The following SPINK13 variants were observed in gnomAD, a reference collection of about 807,000 sequenced individuals.
The protein encoded by SPINK13 is serine protease inhibitor Kazal-type 13.
A neutral mutation model predicts 11.0 loss-of-function variants in SPINK13; 11 were observed. The ratio of observed to expected loss-of-function variants is 1.00; its 90% confidence interval spans 0.63 to 1.65. SPINK13 has a LOEUF of 1.65. Ranked by LOEUF, SPINK13 falls within the 40% of genes most tolerant of loss-of-function variation. The pLI is 0.00. For missense variants in SPINK13, 113 were observed against 117.7 expected (o/e 0.96, Z 0.19); for synonymous variants, 31 against 35.6 (o/e 0.87, Z 0.46).
At chr5:148,282,348 T>C in intron 4 of SPINK13, 117 bp downstream of exon 4, 1 of 1,279,790 alleles carries the variant, frequency 7.8e-7, no homozygotes. Flanking sequence ...AAAAATAGCC[T>C]CATTATTTAC....
At chr5:148,271,949 C>T (rs775623578) in intron 2 of SPINK13, among the ~76,000 whole-genome samples, 39 of 152,182 alleles carry the variant, frequency 2.6e-4, no homozygotes, top group Non-Finnish European at 4.4e-4. Flanking sequence ...TAGTTCAATA[C>T]TATATGAAGA....
intron 3 of SPINK13, among the ~76,000 whole-genome samples, chr5:148,281,617 A>T (rs1211813010): frequency 2.0e-5 from 3 of 152,082 alleles, no homozygotes; most frequent in Non-Finnish European, 4.4e-5. Flanking sequence ...GGCTGTACCC[A>T]CTGTCTAACC....
chr5:148,285,558 C>A (rs1274657554), intron 4 of SPINK13, among the ~76,000 whole-genome samples: 1 of 152,110 alleles, frequency 6.6e-6, no homozygotes, highest in Non-Finnish European at 1.5e-5. Flanking sequence ...AGAGGCTAGT[C>A]TTTTGTGAAA....
Position 148,274,349 on chromosome 5 carries a change from A to C in SPINK13, c.73A>C (p.Ile25Leu), listed in dbSNP as rs1756393367. 5 of 1,611,846 alleles carry C rather than the reference A, an allele frequency of 3.1e-6. No individual in the cohort carries two copies. Among genetic ancestry groups the C allele is most frequent in the Non-Finnish European group, 3.4e-6 (4 of 1,178,264 alleles). Residue 25 changes from isoleucine (I) to leucine (L), a missense_variant and splice_region_variant, in exon 3 of 5, where the codon ATT becomes CTT. Transcript: ENST00000398450. ...CTGTGTTTATTCTTTATTAGCAGGA[A>C]TTTTCAATAAACGTGACTTCACTAG... ...STLTHVAFSG[I>L]FNKRDFTRWP...
intron 3 of SPINK13, among the ~76,000 whole-genome samples, chr5:148,279,091 C>CTTTTTTTTTTTTTTTTTT (rs746029113): frequency 5.8e-5 from 3 of 51,682 alleles, no homozygotes; most frequent in Admixed American, 4.3e-4. Flanking sequence ...GCAACCCCTG[C>CTTTTTTTTTTTTTTTTTT]TTTTTTTTTT....
chr5:148,276,409 T>C (rs190828088), intron 3 of SPINK13, among the ~76,000 whole-genome samples: 60 of 152,398 alleles, frequency 3.9e-4, no homozygotes, highest in Non-Finnish European at 2.9e-4. Context: ...TAGGTTTTCT[T>C]CTAGGGATTT....
intron 3 of SPINK13, among the ~76,000 whole-genome samples, chr5:148,277,524 A>G (rs565398315): frequency 6.6e-6 from 1 of 152,322 alleles, no homozygotes; most frequent in South Asian, 2.1e-4. Context: ...TTCTGCACCT[A>G]TTGAGATAAT....
intron 4 of SPINK13, 138 bp downstream of exon 4, chr5:148,282,369 G>T: frequency 9.7e-7 from 1 of 1,034,998 alleles, no homozygotes; most frequent in East Asian, 2.6e-5. Flanking sequence ...AAAAACTGGG[G>T]ACAGACTACA....
chr5:148,280,165 T>C (rs1397907281), intron 3 of SPINK13, among the ~76,000 whole-genome samples: 1 of 152,178 alleles, frequency 6.6e-6, no homozygotes, highest in Non-Finnish European at 1.5e-5. Flanking sequence ...CAACTGGTTA[T>C]TCTAGTTAGC....
chr5:148,281,332 G>GA (rs149192775), intron 3 of SPINK13, among the ~76,000 whole-genome samples: 2,384 of 149,426 alleles, frequency 0.016, 58 homozygotes, highest in African/African-American at 0.054. Flanking sequence ...CCTGGGGTAT[G>GA]AAAAAAAAAA....
chr5:148,284,454 G>A (rs924178092), intron 4 of SPINK13, among the ~76,000 whole-genome samples: 12 of 152,224 alleles, frequency 7.9e-5, no homozygotes, highest in East Asian at 3.9e-4. Context: ...GTTAAAAACC[G>A]TTCAGTAACA....
rs144431323 is a variant in SPINK13, at chr5:148,282,328, C to CT, written c.236+104dup. ...AGGAATTGGGTTTTACTGATGCATA[C>CT]TTTTTTTAAAAAAATAGCCTCATTA... On this transcript the variant is annotated intron_variant, in intron 4 of 4. Coordinates refer to ENST00000398450, the MANE Select transcript of SPINK13 (RefSeq NM_001040129.3). The CT allele has an allele frequency of 0.016, 22,813 of 1,433,510 alleles. 3,027 individuals carry two copies. The African/African-American group carries it at 0.29, about 18-fold the overall frequency. The allele number at this position is 1,433,510 out of a possible 1,614,324, so 88.8% of individuals were successfully genotyped here. A position where few individuals can be genotyped will look rare whatever the true frequency, so the allele number is the denominator to read the frequency against.
At chr5:148,277,776 T>C (rs1756453512) in intron 3 of SPINK13, among the ~76,000 whole-genome samples, 1 of 152,200 alleles carries the variant, frequency 6.6e-6, no homozygotes, top group South Asian at 2.1e-4. Flanking sequence ...ATCAGGATGA[T>C]GCTGGCCTCA....
At chr5:148,277,563 C>T (rs1056848838) in intron 3 of SPINK13, among the ~76,000 whole-genome samples, 6 of 152,080 alleles carry the variant, frequency 3.9e-5, no homozygotes, top group East Asian at 1.9e-4. Context: ...GTTCTGTTTA[C>T]GTGATGGATT....
At chr5:148,269,313 A>G (rs978441244) in intron 1 of SPINK13, among the ~76,000 whole-genome samples, 3 of 152,212 alleles carry the variant, frequency 2.0e-5, no homozygotes, top group Non-Finnish European at 4.4e-5. Flanking sequence ...CATTAAACCA[A>G]GAATTTGAAC....
chr5:148,271,909 C>T (rs1756357475), intron 2 of SPINK13, among the ~76,000 whole-genome samples: 1 of 152,200 alleles, frequency 6.6e-6, no homozygotes, highest in Non-Finnish European at 1.5e-5. Context: ...AGGCGTGAGC[C>T]ACCACGCCTG....
At chr5:148,279,091 C>CTTTTTTTTTTTTTTTTTTTTT (rs746029113) in intron 3 of SPINK13, among the ~76,000 whole-genome samples, 1 of 51,656 alleles carries the variant, frequency 1.9e-5, no homozygotes, top group Non-Finnish European at 3.6e-5. Context: ...GCAACCCCTG[C>CTTTTTTTTTTTTTTTTTTTTT]TTTTTTTTTT....
intron 3 of SPINK13, among the ~76,000 whole-genome samples, chr5:148,276,910 A>G (rs1029745854): frequency 3.3e-5 from 5 of 152,220 alleles, no homozygotes; most frequent in African/African-American, 9.6e-5. Flanking sequence ...ATCCATGAGT[A>G]TGGGATGTTT....
chr5:148,270,999 T>G (rs915507293), intron 2 of SPINK13: 1 of 152,214 alleles, frequency 6.6e-6, no homozygotes, highest in Non-Finnish European at 1.5e-5. Context: ...CCTCCAGAAT[T>G]GTAAGATAAT....
Sources: allele counts gnomAD v4.1 joint callset (sites outside exome capture counted in the v4.1 genomes callset), GRCh38; gene constraint gnomAD v4.1.1; transcripts MANE v1.5; gene names NCBI Gene and HGNC (gene_info 2026-07-23, HGNC 2026-07-21).